Variants in SLC2A9 observed in about 807,000 individuals in gnomAD.
SLC2A9 encodes the protein solute carrier family 2, facilitated glucose transporter member 9.
Under a neutral mutation model 50.6 loss-of-function variants are expected in SLC2A9, and 39 were observed. The observed-to-expected ratio is 0.77, with a 90% CI of 0.60 to 1.01. SLC2A9 has a LOEUF of 1.01. Ranked by LOEUF, SLC2A9 falls within the 50% of genes least tolerant of loss-of-function variation. The pLI, the probability that SLC2A9 is intolerant of heterozygous loss-of-function variation, is 0.00. For missense variants in SLC2A9, 686 were observed against 677.6 expected, an observed-to-expected ratio of 1.01 and a Z score of -0.14; for synonymous variants, 324 against 276.9, an observed-to-expected ratio of 1.17 and a Z score of -1.69.
At chr4:9,795,250 T>C (rs1298811539), downstream of SLC2A9, among the ~76,000 whole-genome samples, 1 of 151,992 alleles carries the variant, frequency 6.6e-6, no homozygotes, top group Non-Finnish European at 1.5e-5. Flanking sequence ...GACCTCATGA[T>C]CCACCTGCTT....
chr4:9,920,382 C>T lies in SLC2A9; in HGVS notation c.1002+3G>A, dbSNP rs1204531248. On this transcript the variant is annotated splice_donor_region_variant and intron_variant, in intron 7 of 11. Transcript: ENST00000264784. ...AGGATGCCCACCGGGCCCCAGGACT[C>T]ACTGCATTGAGGCCACAGAGCTGGT... The T allele has an allele frequency of 6.2e-7, 1 of 1,613,944 alleles. No homozygotes were observed. The highest frequency in any genetic ancestry group is 8.5e-7 in the Non-Finnish European group (1 of 1,180,002).
intron 7 of SLC2A9, among the ~76,000 whole-genome samples, chr4:9,912,807 T>C (rs998826631): frequency 1.3e-5 from 2 of 152,224 alleles, no homozygotes; most frequent in African/African-American, 4.8e-5. Context: ...CAAAGGGACT[T>C]TGCAGATATG....
chr4:9,794,751 T>C (rs1017540866), downstream of SLC2A9, among the ~76,000 whole-genome samples: 10 of 152,224 alleles, frequency 6.6e-5, no homozygotes, highest in African/African-American at 1.9e-4. Context: ...CATCATGGTC[T>C]CTGCTTCTGA....
intron 7 of SLC2A9, among the ~76,000 whole-genome samples, chr4:9,919,770 T>C (rs1461020860): frequency 6.6e-6 from 1 of 152,190 alleles, no homozygotes; most frequent in Non-Finnish European, 1.5e-5. Context: ...ACCCACTCCA[T>C]TTGTCAGAAG....
intron 9 of SLC2A9, among the ~76,000 whole-genome samples, chr4:9,888,117 G>C (rs1314017073): frequency 2.6e-5 from 4 of 151,298 alleles, no homozygotes; most frequent in African/African-American, 7.3e-5. Flanking sequence ...GGCCTGTTTT[G>C]GGGGGTGGGG....
chr4:9,830,703 A>G (rs1296645812), intron 11 of SLC2A9, among the ~76,000 whole-genome samples: 1 of 152,230 alleles, frequency 6.6e-6, no homozygotes. Context: ...AGAGGCATAC[A>G]TTTGCATGCA....
At chr4:9,852,504 G>A (rs866787839) in intron 10 of SLC2A9, among the ~76,000 whole-genome samples, 3 of 151,334 alleles carry the variant, frequency 2.0e-5, no homozygotes, top group African/African-American at 2.4e-5. Flanking sequence ...CACCCGCCTC[G>A]GCCTCCCAAA....
chr4:9,976,659 G>A (rs542186185), intron 5 of SLC2A9, among the ~76,000 whole-genome samples: 4 of 152,226 alleles, frequency 2.6e-5, no homozygotes, highest in Non-Finnish European at 5.9e-5. Flanking sequence ...GGAAGAGACA[G>A]CCTATAGGAA....
At chr4:9,831,234 G>A (rs545070799) in intron 11 of SLC2A9, among the ~76,000 whole-genome samples, 115 of 152,180 alleles carry the variant, frequency 7.6e-4, no homozygotes, top group East Asian at 6.0e-3. Flanking sequence ...AAATTCATAC[G>A]TTGAGTCCTA....
chr4:9,938,479 G>A (rs1028334491), intron 6 of SLC2A9, among the ~76,000 whole-genome samples: 2 of 152,054 alleles, frequency 1.3e-5, no homozygotes, highest in African/African-American at 2.4e-5. Context: ...CACCGTGTTA[G>A]CCAGGATGGT....
chr4:9,796,666 T>G (rs567121521), downstream of SLC2A9, among the ~76,000 whole-genome samples: 1 of 152,292 alleles, frequency 6.6e-6, no homozygotes, highest in African/African-American at 2.4e-5. Flanking sequence ...CTCATTTCCA[T>G]AGGTCAGCTG....
At chr4:9,825,911 A>G (rs1190083294), downstream of SLC2A9, among the ~76,000 whole-genome samples, 1 of 152,222 alleles carries the variant, frequency 6.6e-6, no homozygotes, top group Non-Finnish European at 1.5e-5. Flanking sequence ...ATGGAAGCCT[A>G]GGGTCATTGA....
intron 10 of SLC2A9, among the ~76,000 whole-genome samples, chr4:9,836,324 G>A (rs1727104920): frequency 6.6e-6 from 1 of 152,176 alleles, no homozygotes; most frequent in Admixed American, 6.5e-5. Flanking sequence ...AATAAAAAAG[G>A]GGAGTGAGCA....
intron 10 of SLC2A9, among the ~76,000 whole-genome samples, chr4:9,861,703 G>GTGAA (rs56975965): frequency 0.018 from 2,691 of 150,862 alleles, 33 homozygotes; most frequent in Middle Eastern, 0.031. Flanking sequence ...ATATGGATAA[G>GTGAA]TGAATGAATG....
At chr4:9,964,714 C>T (rs1483282176) in intron 5 of SLC2A9, among the ~76,000 whole-genome samples, 1 of 152,168 alleles carries the variant, frequency 6.6e-6, no homozygotes, top group East Asian at 1.9e-4. Context: ...AAAAAGTTCA[C>T]AGAAAACAAG....
chr4:10,026,626 A>G (rs1400737512), intron 1 of SLC2A9, among the ~76,000 whole-genome samples: 1 of 152,228 alleles, frequency 6.6e-6, no homozygotes, highest in Non-Finnish European at 1.5e-5. Flanking sequence ...CCTCCAATGA[A>G]TGAATGAATA....
At chr4:10,016,152 G>A (rs1157940804) in intron 2 of SLC2A9, among the ~76,000 whole-genome samples, 5 of 152,198 alleles carry the variant, frequency 3.3e-5, no homozygotes, top group African/African-American at 7.2e-5. Flanking sequence ...ACCTTGCTGC[G>A]CATACTGGCC....
chr4:9,791,571 G>T (rs1003040015), intron 3 of SLC2A9, among the ~76,000 whole-genome samples: 2 of 152,150 alleles, frequency 1.3e-5, no homozygotes, highest in Admixed American at 6.5e-5. Flanking sequence ...TGAATCACTG[G>T]GGGCTGGAGG....
chr4:9,839,235 G>C (rs1727604045), intron 10 of SLC2A9, among the ~76,000 whole-genome samples: 2 of 152,126 alleles, frequency 1.3e-5, no homozygotes, highest in African/African-American at 4.8e-5. Context: ...ATGAAGAAAA[G>C]CTCAATATCA....
Sources: allele counts gnomAD v4.1 joint callset (sites outside exome capture counted in the v4.1 genomes callset), GRCh38; gene constraint gnomAD v4.1.1; transcripts MANE v1.5; gene names NCBI Gene and HGNC (gene_info 2026-07-23, HGNC 2026-07-21).